The following ANKRD28 variants were observed in gnomAD, a reference collection of about 807,000 sequenced individuals.
ANKRD28 encodes the protein ankyrin repeat domain 28.
A neutral mutation model predicts 126.5 loss-of-function variants in ANKRD28; 44 were observed. That is an observed-to-expected ratio of 0.35 (90% CI 0.27 to 0.45). ANKRD28 has a LOEUF of 0.45. Among genes scored for constraint, ANKRD28 ranks in the 20% least tolerant of loss-of-function variants. The probability of loss-of-function intolerance (pLI) is 1.00; values close to 1 mark genes in which losing one functional copy is unlikely to be tolerated. For missense variants in ANKRD28, 1,110 were observed against 1,316.6 expected, an observed-to-expected ratio of 0.84 and a Z score of 2.43; for synonymous variants, 442 against 468.5, an observed-to-expected ratio of 0.94 and a Z score of 0.73.
chr3:15,772,515 A>G (rs367628674), intron 2 of ANKRD28, among the ~76,000 whole-genome samples: 17 of 152,224 alleles, frequency 1.1e-4, no homozygotes, highest in African/African-American at 3.9e-4. Flanking sequence ...CAATATTTGA[A>G]AAGGGTACTA....
At chr3:15,712,281 TA>T in intron 10 of ANKRD28, 59 bp from the exon 11 acceptor site, 1 of 1,322,330 alleles carries the variant, frequency 7.6e-7, no homozygotes, top group Middle Eastern at 1.8e-4. Context: ...TACAATCAGT[TA>T]AATACATTAC....
intron 3 of ANKRD28, among the ~76,000 whole-genome samples, chr3:15,759,509 C>G (rs948533819): frequency 2.0e-5 from 3 of 152,016 alleles, no homozygotes; most frequent in Non-Finnish European, 2.9e-5. Flanking sequence ...ACAGGTGCCA[C>G]GCCAAAAATT....
At chr3:15,770,051 A>AT (rs1463734633) in intron 2 of ANKRD28, among the ~76,000 whole-genome samples, 1 of 152,108 alleles carries the variant, frequency 6.6e-6, no homozygotes, top group African/African-American at 2.4e-5. Flanking sequence ...AAAAAAAAAA[A>AT]AAGTTATGTA....
chr3:15,744,133 CTT>C (rs1034450606), intron 4 of ANKRD28, among the ~76,000 whole-genome samples: 4 of 152,160 alleles, frequency 2.6e-5, no homozygotes, highest in African/African-American at 9.7e-5. Context: ...AAGTGATACT[CTT>C]GACACTAATG....
rs2066910833 is a variant in ANKRD28 at position 15,676,131 on chromosome 3, G to A, written c.2874-142C>T. ...CGAGAAACCTAGTCCTAATAACAAA[G>A]ATGGGGGCAGGGAGAGCAGAACCTC... On this transcript the variant is annotated intron_variant, in intron 26 of 27. Transcript: ENST00000683139. The A allele has an allele frequency of 1.8e-5, 10 of 550,944 alleles. No homozygotes were observed. The South Asian group carries it at 2.8e-4, about 16-fold the overall frequency. 34.1% of individuals were successfully genotyped at this position (550,944 alleles called of 1,614,324 possible).
At chr3:15,691,089 A>G (rs541548288) in intron 17 of ANKRD28, among the ~76,000 whole-genome samples, 2 of 152,158 alleles carry the variant, frequency 1.3e-5, no homozygotes, top group Non-Finnish European at 2.9e-5. Flanking sequence ...CTAGCTGTAC[A>G]AAAGTAAGAC....
Position 15,676,990 on chromosome 3 carries a change from T to C in ANKRD28, c.2857A>G (p.Asn953Asp). The C allele has an allele frequency of 6.2e-7, 1 of 1,613,272 alleles. No homozygotes were observed. The highest frequency in any genetic ancestry group is 8.5e-7 in the Non-Finnish European group (1 of 1,179,432). ...AGTACTCACGTTTGCAAGGCTGCGTTGGTTGCATTGATGAGGTTTCTATCT... is the reference window on the plus strand; with the variant it reads ...AGTACTCACGTTTGCAAGGCTGCGTCGGTTGCATTGATGAGGTTTCTATCT... ...ITDRNLINAT[N>D]AALQTPLHVA... The change falls in exon 26 of 28, where the codon AAC becomes GAC. Residue 953 changes from asparagine (N) to aspartate (D), a missense_variant. Coordinates refer to ENST00000683139, the MANE Select transcript of ANKRD28 (RefSeq NM_001349278.2).
chr3:15,770,587 A>G (rs2058950945), intron 2 of ANKRD28, among the ~76,000 whole-genome samples: 1 of 152,190 alleles, frequency 6.6e-6, no homozygotes, highest in South Asian at 2.1e-4. Context: ...ATTGAAATCA[A>G]ACACTTGAAA....
intron 1 of ANKRD28, among the ~76,000 whole-genome samples, chr3:15,820,939 A>T (rs9864129): frequency 0.023 from 3,458 of 152,258 alleles, 139 homozygotes; most frequent in African/African-American, 0.076. Flanking sequence ...CAATACATAT[A>T]TGAACCAATT....
rs1239565687 is a variant in ANKRD28 at position 15,845,154 on chromosome 3, T to C, written c.27+14223A>G. Among the ~76,000 whole-genome samples the C allele has an allele frequency of 6.6e-6, 1 of 152,182 alleles. No individual in the cohort carries two copies. Among genetic ancestry groups the C allele is most frequent in the Admixed American group, 6.5e-5 (1 of 15,270 alleles). ...GTCCCACCTCCAACACTGGGGATTATAACTAGAAATGAGATTTAGGCACAC... is the reference window on the plus strand; with the variant it reads ...GTCCCACCTCCAACACTGGGGATTACAACTAGAAATGAGATTTAGGCACAC... On this transcript the variant is annotated intron_variant, in intron 1 of 27. Coordinates refer to the ANKRD28 transcript ENST00000399451. The surrounding 1 kb of genome is among the most constrained non-coding windows in gnomAD (Gnocchi z 4.9).
At chr3:15,777,086 T>C (rs545815077) in intron 2 of ANKRD28, among the ~76,000 whole-genome samples, 1 of 151,896 alleles carries the variant, frequency 6.6e-6, no homozygotes, top group Admixed American at 6.6e-5. Flanking sequence ...CCATCCTGGT[T>C]AACGTGGTGA....
At chr3:15,757,101 TAC>T (rs911338581) in intron 3 of ANKRD28, among the ~76,000 whole-genome samples, 103 of 152,348 alleles carry the variant, frequency 6.8e-4, no homozygotes, top group African/African-American at 2.4e-3. Context: ...GTCCATTCAA[TAC>T]ACAGTGTTTT....
chr3:15,847,196 A>T (rs1397881871), intron 1 of ANKRD28, among the ~76,000 whole-genome samples: 1 of 152,236 alleles, frequency 6.6e-6, no homozygotes, highest in Non-Finnish European at 1.5e-5. Context: ...AACTTGGAGC[A>T]AACAAGAAAC....
In ANKRD28 at chr3:15,686,319, G is replaced by A. The variant is rs1328468382; in HGVS notation, c.1964-10C>T. ...GAATGACCATTTGTTGCTGTAAAGT[G>A]AAATTTAAACATTTCAGTAATTACA... is the stretch of plus-strand genomic sequence containing the variant. On this transcript the variant is annotated splice_polypyrimidine_tract_variant and intron_variant, in intron 18 of 27. Coordinates refer to ENST00000683139, the MANE Select transcript of ANKRD28 (RefSeq NM_001349278.2). The A allele has an allele frequency of 5.8e-6, 9 of 1,551,822 alleles. No homozygotes were observed. The highest frequency in any genetic ancestry group is 2.3e-5 in the East Asian group (1 of 42,766).
chr3:15,728,171 CAT>C (rs939633418), intron 6 of ANKRD28, among the ~76,000 whole-genome samples: 52 of 152,006 alleles, frequency 3.4e-4, no homozygotes, highest in Admixed American at 1.0e-3. Flanking sequence ...TTAGCAATAA[CAT>C]ATTTTTTAAT....
intron 14 of ANKRD28, among the ~76,000 whole-genome samples, chr3:15,699,384 AGACAAATG>A (rs2070198300): frequency 1.3e-5 from 2 of 152,190 alleles, no homozygotes; most frequent in South Asian, 4.1e-4. Flanking sequence ...AAGCCAAAAT[AGACAAATG>A]GGATCTAATT....
chr3:15,791,230 A>C (rs1031342000), intron 2 of ANKRD28, among the ~76,000 whole-genome samples: 28 of 152,136 alleles, frequency 1.8e-4, no homozygotes, highest in African/African-American at 5.3e-4. Flanking sequence ...CCCAATCAAA[A>C]TACCAATGGA....
chr3:15,710,641 T>C (rs569358480), intron 12 of ANKRD28, among the ~76,000 whole-genome samples: 1 of 152,332 alleles, frequency 6.6e-6, no homozygotes, highest in South Asian at 2.1e-4. Flanking sequence ...CAGATCTAAA[T>C]TATCAGAAGC....
intron 1 of ANKRD28, 94 bp downstream of exon 1, chr3:15,796,308 AAAG>A: frequency 1.4e-6 from 1 of 729,916 alleles, no homozygotes; most frequent in South Asian, 2.4e-5. Context: ...TTGGGTTTGT[AAAG>A]AAACTATTGG....
Sources: allele counts gnomAD v4.1 joint callset (sites outside exome capture counted in the v4.1 genomes callset), GRCh38; gene constraint gnomAD v4.1.1; non-coding constraint Gnocchi (gnomAD v3.1); transcripts MANE v1.5; gene names NCBI Gene and HGNC (gene_info 2026-07-23, HGNC 2026-07-21).